Variants in FAM227B observed in about 807,000 individuals in gnomAD.
The protein encoded by FAM227B is family with sequence similarity 227 member B, also known as protein FAM227B.
FAM227B carries 88 observed loss-of-function variants against 73.8 expected under a neutral mutation model. The ratio of observed to expected loss-of-function variants is 1.19; its 90% CI spans 1.00 to 1.42. The LOEUF (loss-of-function observed/expected upper bound fraction) is 1.42. FAM227B is among the 40% of genes most tolerant of loss of function. The probability of loss-of-function intolerance (pLI) is 0.00; values close to 1 mark genes in which losing one functional copy is unlikely to be tolerated. For synonymous variants in FAM227B, 210 were observed against 190.5 expected, an observed-to-expected ratio of 1.10 and a Z score of -0.84; for missense variants, 632 against 590.9, an observed-to-expected ratio of 1.07 and a Z score of -0.72.
rs545173215 is a variant in FAM227B, at chr15:49,519,113, A to G, written c.875-10765T>C. On this transcript the variant is annotated intron_variant, in intron 10 of 15. Transcript: ENST00000299338. Reference sequence around the variant, plus strand: ...AGAGCAGTCAAATCTTAAAGCTTCAAAATGATCTCCTACGACTCCATGTCT... The same window carrying G: ...AGAGCAGTCAAATCTTAAAGCTTCAGAATGATCTCCTACGACTCCATGTCT... 8.7e-4 allele frequency among the ~76,000 whole-genome samples: 133 copies of G among 152,366 alleles called. 5 individuals are homozygous for G. In the South Asian group the frequency reaches 0.026, roughly 30 times the overall value.
intron 11 of FAM227B, among the ~76,000 whole-genome samples, chr15:49,491,902 G>C (rs2057141888): frequency 6.6e-6 from 1 of 151,672 alleles, no homozygotes; most frequent in Admixed American, 6.6e-5. Flanking sequence ...ATGTAATCTG[G>C]TAAGGAAATA....
intron 9 of FAM227B, among the ~76,000 whole-genome samples, chr15:49,560,163 A>C (rs1655386181): frequency 6.6e-6 from 1 of 152,050 alleles, no homozygotes; most frequent in Non-Finnish European, 1.5e-5. Context: ...AGGAAGTGCT[A>C]AACATCATGA....
At chr15:49,374,620 T>G (rs1289050184) in intron 11 of FAM227B, among the ~76,000 whole-genome samples, 2 of 152,236 alleles carry the variant, frequency 1.3e-5, no homozygotes, top group African/African-American at 4.8e-5. Context: ...AGTGGTGCCA[T>G]CTAGGCTCCG....
chr15:49,412,497 T>C (rs1474737372), intron 11 of FAM227B, among the ~76,000 whole-genome samples: 1 of 152,004 alleles, frequency 6.6e-6, no homozygotes, highest in Admixed American at 6.6e-5. Flanking sequence ...ACACTGTTAT[T>C]CTTAAAATTT....
chr15:49,465,390 C>A (rs936270278), intron 11 of FAM227B, among the ~76,000 whole-genome samples: 1 of 151,802 alleles, frequency 6.6e-6, no homozygotes, highest in African/African-American at 2.4e-5. Context: ...CCCACCTCGG[C>A]CTCCCAAAGT....
chr15:49,509,391 G>C (rs896508165), intron 10 of FAM227B, among the ~76,000 whole-genome samples: 1 of 152,114 alleles, frequency 6.6e-6, no homozygotes, highest in African/African-American at 2.4e-5. Flanking sequence ...ATACTGTCCA[G>C]TATTGCATAA....
chr15:49,598,492 T>G (rs553607525), intron 3 of FAM227B, among the ~76,000 whole-genome samples: 8 of 151,984 alleles, frequency 5.3e-5, no homozygotes, highest in African/African-American at 1.9e-4. Flanking sequence ...CCATAATGAA[T>G]AGGAGTGCTG....
chr15:49,480,873 T>G (rs2055883265), intron 11 of FAM227B, among the ~76,000 whole-genome samples: 1 of 152,166 alleles, frequency 6.6e-6, no homozygotes, highest in African/African-American at 2.4e-5. Flanking sequence ...AATATGAACT[T>G]ATTGTCATGA....
rs1211432792 is a variant in FAM227B, at chr15:49,589,964, C to A, written c.149G>T (p.Trp50Leu). Residue 50 changes from tryptophan (W) to leucine (L), a missense_variant, in exon 4 of 16, where the codon TGG becomes TTG. Trp to Leu is a moderately conservative substitution (Grantham distance 61). Transcript: ENST00000299338. The part of the protein sequence containing the change: ...REIHFRDDDK[W>L]SCTLKKIKED... ...TTTTATTTTTTTCAGAGTGCATGAC[C>A]ATTTATCATCATCTCTAAAATGGAT... is the stretch of plus-strand genomic sequence containing the variant. 5.2e-5 allele frequency: 84 copies of A among 1,606,578 alleles called. No homozygotes were observed. Among genetic ancestry groups the A allele is most frequent in the Non-Finnish European group, 7.2e-5 (84 of 1,173,898 alleles).
intron 11 of FAM227B, among the ~76,000 whole-genome samples, chr15:49,382,232 A>C (rs934324682): frequency 8.5e-5 from 13 of 152,226 alleles, no homozygotes; most frequent in Non-Finnish European, 1.8e-4. Context: ...GTCAGATATT[A>C]AAATGTATAA....
rs777073504 is a variant in FAM227B, at chr15:49,371,300, A to T, written c.1110+2T>A. The T allele has an allele frequency of 2.6e-6, 4 of 1,554,514 alleles. No individual in the cohort carries two copies. The South Asian group carries it at 4.6e-5, about 18-fold the overall frequency. On this transcript the variant is annotated splice_donor_variant, in intron 12 of 15. Coordinates refer to ENST00000299338, the MANE Select transcript of FAM227B (RefSeq NM_152647.3). LOFTEE classifies it high-confidence loss of function. Reference sequence around the variant, plus strand: ...TTTTTTCATAATTATTATACTCCAAACCTTTGTTGCTAGTCTTGATAATCT... The same window carrying T: ...TTTTTTCATAATTATTATACTCCAATCCTTTGTTGCTAGTCTTGATAATCT...
chr15:49,388,491 G>T (rs1039349838), intron 11 of FAM227B, among the ~76,000 whole-genome samples: 2 of 151,934 alleles, frequency 1.3e-5, no homozygotes, highest in Non-Finnish European at 2.9e-5. Context: ...AACTCAAGAT[G>T]AATCAATGAG....
intron 14 of FAM227B, among the ~76,000 whole-genome samples, chr15:49,332,087 C>CCACACACACACACA (rs377139081): frequency 7.3e-4 from 93 of 127,982 alleles, no homozygotes; most frequent in Middle Eastern, 3.9e-3. Flanking sequence ...TGCACACGTG[C>CCACACACACACACA]CACACACACA....
At chr15:49,536,842 G>C (rs2070346817) in intron 10 of FAM227B, among the ~76,000 whole-genome samples, 1 of 151,950 alleles carries the variant, frequency 6.6e-6, no homozygotes, top group Non-Finnish European at 1.5e-5. Context: ...AATAAATGGT[G>C]CTGGGAAAAC....
At chr15:49,349,669 T>TA (rs1239010062) in intron 13 of FAM227B, among the ~76,000 whole-genome samples, 1 of 152,108 alleles carries the variant, frequency 6.6e-6, no homozygotes, top group Admixed American at 6.5e-5. Context: ...TGATCAGAAA[T>TA]ATTCTAACTG....
chr15:49,421,141 C>T (rs1047116510), intron 11 of FAM227B, among the ~76,000 whole-genome samples: 4 of 152,284 alleles, frequency 2.6e-5, no homozygotes, highest in East Asian at 3.9e-4. Context: ...GAGCAACAAA[C>T]GGTTGCCAAT....
At chr15:49,477,775 C>T (rs2055486505) in intron 11 of FAM227B, among the ~76,000 whole-genome samples, 1 of 152,174 alleles carries the variant, frequency 6.6e-6, no homozygotes, top group African/African-American at 2.4e-5. Flanking sequence ...TGTGACTGCA[C>T]CATTTTGCAT....
At chr15:49,551,487 A>G (rs1317172766) in intron 9 of FAM227B, among the ~76,000 whole-genome samples, 2 of 152,086 alleles carry the variant, frequency 1.3e-5, no homozygotes, top group Non-Finnish European at 2.9e-5. Flanking sequence ...GTCTATGTGT[A>G]TCTTTATAGG....
At chr15:49,397,333 A>C (rs901210209) in intron 11 of FAM227B, among the ~76,000 whole-genome samples, 3 of 152,054 alleles carry the variant, frequency 2.0e-5, no homozygotes, top group Non-Finnish European at 2.9e-5. Context: ...GCCTCCAAGA[A>C]ATATGGGGGC....
Sources: allele counts gnomAD v4.1 joint callset (sites outside exome capture counted in the v4.1 genomes callset), GRCh38; gene constraint gnomAD v4.1.1; transcripts MANE v1.5; gene names NCBI Gene and HGNC (gene_info 2026-07-23, HGNC 2026-07-21).